Variants in SKAP1 observed in about 807,000 individuals in gnomAD.
SKAP1 encodes src kinase-associated phosphoprotein 1.
A neutral mutation model predicts 58.5 loss-of-function variants in SKAP1; 44 were observed. That is an observed-to-expected ratio of 0.75 (90% CI 0.59 to 0.97). SKAP1 has a LOEUF of 0.97. SKAP1 is among the 50% of genes least tolerant of loss of function. The pLI, the probability that SKAP1 is intolerant of heterozygous loss-of-function variation, is 0.00. For synonymous variants in SKAP1, 127 were observed against 149.7 expected, an observed-to-expected ratio of 0.85 and a Z score of 1.11; for missense variants, 390 against 435.2, an observed-to-expected ratio of 0.90 and a Z score of 0.92.
intron 4 of SKAP1, among the ~76,000 whole-genome samples, chr17:48,335,290 A>G (rs1489639172): frequency 6.6e-6 from 1 of 151,972 alleles, no homozygotes; most frequent in Non-Finnish European, 1.5e-5. Flanking sequence ...GCCTGAAACA[A>G]AACAAAACAA....
chr17:48,343,145 C>CT (rs1288818730), intron 4 of SKAP1, among the ~76,000 whole-genome samples: 1 of 152,100 alleles, frequency 6.6e-6, no homozygotes. Flanking sequence ...ACTGTATCTG[C>CT]TTTCTCACTG....
chr17:48,303,393 A>G (rs1206368080), intron 4 of SKAP1, among the ~76,000 whole-genome samples: 1 of 152,196 alleles, frequency 6.6e-6, no homozygotes, highest in East Asian at 1.9e-4. Context: ...TAAACTATGA[A>G]TAGTCTTTTA....
intron 2 of SKAP1, among the ~76,000 whole-genome samples, chr17:48,381,565 C>A (rs1238135977): frequency 6.6e-6 from 1 of 152,140 alleles, no homozygotes; most frequent in Non-Finnish European, 1.5e-5. Flanking sequence ...GTTTTGTATA[C>A]CTCAATAAAA....
chr17:48,411,968 A>T (rs1434080584), intron 1 of SKAP1, among the ~76,000 whole-genome samples: 1 of 152,190 alleles, frequency 6.6e-6, no homozygotes. Flanking sequence ...AGAAAACTGA[A>T]TGAAATGTGG....
At chr17:48,329,693 G>A (rs1241539280) in intron 4 of SKAP1, among the ~76,000 whole-genome samples, 2 of 152,194 alleles carry the variant, frequency 1.3e-5, no homozygotes, top group East Asian at 3.8e-4. Flanking sequence ...GGGGACAAGA[G>A]AGAGACTTTG....
intron 4 of SKAP1, among the ~76,000 whole-genome samples, chr17:48,296,932 T>G (rs2065984393): frequency 1.3e-5 from 2 of 152,150 alleles, no homozygotes; most frequent in African/African-American, 4.8e-5. Context: ...CTGTAACCTC[T>G]CTTAGACTGT....
At chr17:48,432,083 A>G (rs2067922164), upstream of SKAP1, among the ~76,000 whole-genome samples, 1 of 152,170 alleles carries the variant, frequency 6.6e-6, no homozygotes, top group South Asian at 2.1e-4. Flanking sequence ...GGCTGGCATG[A>G]GCCTCTCTGG....
intron 2 of SKAP1, among the ~76,000 whole-genome samples, chr17:48,392,609 C>T (rs2067362450): frequency 6.6e-6 from 1 of 152,106 alleles, no homozygotes; most frequent in South Asian, 2.1e-4. Context: ...TCCTGTAATC[C>T]TAGCACTTTG....
At chr17:48,232,058 T>C (rs1199730173) in intron 4 of SKAP1, among the ~76,000 whole-genome samples, 1 of 152,204 alleles carries the variant, frequency 6.6e-6, no homozygotes, top group Non-Finnish European at 1.5e-5. Context: ...CTTAACCCCC[T>C]TTTCTTCACC....
intron 2 of SKAP1, among the ~76,000 whole-genome samples, chr17:48,364,803 T>G (rs2066982012): frequency 6.6e-6 from 1 of 152,246 alleles, no homozygotes; most frequent in African/African-American, 2.4e-5. Flanking sequence ...AATGGGGCTC[T>G]TGCAGTTCAT....
intron 4 of SKAP1, among the ~76,000 whole-genome samples, chr17:48,270,308 G>A (rs576885770): frequency 6.6e-6 from 1 of 151,928 alleles, no homozygotes; most frequent in South Asian, 2.1e-4. Context: ...GCAAAATCAA[G>A]TCAGTCTTTA....
At position 48,377,417 on chromosome 17, in the gene SKAP1, TA is replaced by T. The variant is rs11408713; in HGVS notation, c.153-13604del. Reference sequence around the variant, plus strand: ...TGTGAGACCCCATCTCTAGAAAAAATAAAAAAAAAAATTAGCCATGTGTAGT... The same window carrying T: ...TGTGAGACCCCATCTCTAGAAAAAATAAAAAAAAAATTAGCCATGTGTAGT... On this transcript the variant is annotated intron_variant, in intron 2 of 12. Coordinates refer to ENST00000336915, the MANE Select transcript of SKAP1 (RefSeq NM_003726.4). 872 of 145,100 alleles carry T rather than the reference TA, an allele frequency of 6.0e-3. 9 individuals carry two copies. Among genetic ancestry groups the T allele is most frequent in the African/African-American group, 0.02 (799 of 39,408 alleles). 9.0% of individuals were successfully genotyped at this position (145,100 alleles called of 1,614,324 possible).
intron 4 of SKAP1, among the ~76,000 whole-genome samples, chr17:48,249,764 C>T (rs1180207473): frequency 6.6e-6 from 1 of 151,888 alleles, no homozygotes; most frequent in Non-Finnish European, 1.5e-5. Context: ...AATTTAAAAT[C>T]ACAATTGGAA....
chr17:48,225,935 G>GT (rs2065063239), intron 4 of SKAP1, among the ~76,000 whole-genome samples: 2 of 152,144 alleles, frequency 1.3e-5, no homozygotes, highest in South Asian at 4.1e-4. Context: ...ATAATCAAAG[G>GT]TATCAGCCAG....
At chr17:48,198,478 A>AAAAAAAAT (rs2064675663) in intron 4 of SKAP1, among the ~76,000 whole-genome samples, 1 of 148,946 alleles carries the variant, frequency 6.7e-6, no homozygotes, top group Non-Finnish European at 1.5e-5. Context: ...AAAAAAAAAA[A>AAAAAAAAT]GAATGGGTTT....
At chr17:48,400,652 A>C (rs1168992904) in intron 1 of SKAP1, among the ~76,000 whole-genome samples, 1 of 152,090 alleles carries the variant, frequency 6.6e-6, no homozygotes, top group Non-Finnish European at 1.5e-5. Flanking sequence ...CAGGAGGCTA[A>C]GGTGGCCTCA....
chr17:48,161,062 C>T (rs1353210909), intron 11 of SKAP1, among the ~76,000 whole-genome samples: 1 of 152,138 alleles, frequency 6.6e-6, no homozygotes, highest in Non-Finnish European at 1.5e-5. Context: ...TACTCTCTTG[C>T]AAACAAAGGG....
At chr17:48,407,482 A>T (rs1245296809) in intron 1 of SKAP1, among the ~76,000 whole-genome samples, 1 of 152,200 alleles carries the variant, frequency 6.6e-6, no homozygotes, top group Non-Finnish European at 1.5e-5. Flanking sequence ...TGGCTTTTAT[A>T]TGCCAGGATT....
intron 4 of SKAP1, among the ~76,000 whole-genome samples, chr17:48,220,887 A>AG (rs199566897): frequency 6.7e-6 from 1 of 150,000 alleles, no homozygotes; most frequent in Non-Finnish European, 1.5e-5. Context: ...AGAAAAGAAA[A>AG]AAAAAAGAAA....
Sources: gnomAD v4.1 joint callset for allele counts (sites outside exome capture counted in the v4.1 genomes callset) on GRCh38, gnomAD v4.1.1 for gene constraint, MANE v1.5 for transcripts, NCBI Gene and HGNC (gene_info 2026-07-23, HGNC 2026-07-21) for gene names.